FANCI: variants seen among roughly 807,000 people sequenced by gnomAD.
FANCI encodes the protein FA complementation group I.
Under a neutral mutation model 176.1 loss-of-function variants are expected in FANCI, and 156 were observed. The ratio of observed to expected loss-of-function variants is 0.89; its 90% CI spans 0.78 to 1.01. The LOEUF (loss-of-function observed/expected upper bound fraction) is 1.01, where lower values mean the gene tolerates loss of function less well. Ranked by LOEUF, FANCI falls within the 50% of genes least tolerant of loss-of-function variation. FANCI has a pLI of 0.00. For synonymous variants in FANCI, 613 were observed against 541.7 expected (o/e 1.13, Z -1.83); for missense variants, 1,678 against 1,534.1 (o/e 1.09, Z -1.57).
intron 31 of FANCI, 62 bp downstream of exon 31, chr15:89,305,760 G>A: frequency 6.5e-7 from 1 of 1,532,874 alleles, no homozygotes; most frequent in South Asian, 1.1e-5. Context: ...TTCATATTGG[G>A]TCGGTGCATA....
intron 16 of FANCI, 163 bp downstream of exon 16, chr15:89,281,998 T>TG (rs2151561902): frequency 1.5e-6 from 1 of 660,556 alleles, no homozygotes; most frequent in African/African-American, 1.8e-5. Context: ...GTGCTTTATG[T>TG]GCTTTTTTCA....
intron 2 of FANCI, among the ~76,000 whole-genome samples, chr15:89,256,890 C>A (rs2052517637): frequency 6.6e-6 from 1 of 152,052 alleles, no homozygotes; most frequent in South Asian, 2.1e-4. Flanking sequence ...TTTAGGAATC[C>A]TCCTTGATTT....
At chr15:89,285,667 A>C (rs983173274) in intron 18 of FANCI, among the ~76,000 whole-genome samples, 1 of 152,224 alleles carries the variant, frequency 6.6e-6, no homozygotes, top group African/African-American at 2.4e-5. Context: ...GATAGACCTT[A>C]AATATTTTAT....
chr15:89,305,243 G>C lies in FANCI; in HGVS notation c.3186+1G>C. On this transcript the variant is annotated splice_donor_variant, in intron 29 of 37. Coordinates refer to ENST00000310775, the MANE Select transcript of FANCI (RefSeq NM_001113378.2). LOFTEE classifies it high-confidence loss of function. Reference sequence around the variant, plus strand: ...CGGGCATCTGGGAGATATAGACCAGGTACTATAATGAGCCTTCAGTACAAT... The same window carrying C: ...CGGGCATCTGGGAGATATAGACCAGCTACTATAATGAGCCTTCAGTACAAT... 6.2e-7 allele frequency: 1 copy of C among 1,614,188 alleles called. No homozygotes were observed. The highest frequency in any genetic ancestry group is 8.5e-7 in the Non-Finnish European group (1 of 1,180,030).
chr15:89,262,137 T>C (rs1246612134), intron 6 of FANCI, among the ~76,000 whole-genome samples: 1 of 152,246 alleles, frequency 6.6e-6, no homozygotes, highest in African/African-American at 2.4e-5. Flanking sequence ...AAGATACACA[T>C]AATTAAATGT....
chr15:89,258,895 T>C (rs2052606113), intron 3 of FANCI, 119 bp downstream of exon 3: 1 of 802,854 alleles, frequency 1.2e-6, no homozygotes, highest in Non-Finnish European at 2.1e-6. Flanking sequence ...TTTTGAGGAT[T>C]CTACAGAATC....
chr15:89,302,170 G>A lies in FANCI; in HGVS notation c.3006+728G>A, dbSNP rs142035740. 3.4e-3 allele frequency among the ~76,000 whole-genome samples: 516 copies of A among 152,238 alleles called. 1 individual carries two copies. The highest frequency in any genetic ancestry group is 5.3e-3 in the Non-Finnish European group (361 of 68,034). ...CTTGAGAAAGACAATGAAGCCCTGC[G>A]GTATACTCCTCTTTATGTGAGCCCT... On this transcript the variant is annotated intron_variant, in intron 27 of 37. Coordinates refer to ENST00000310775, the MANE Select transcript of FANCI (RefSeq NM_001113378.2).
At chr15:89,285,291 A>G in intron 18 of FANCI, 73 bp downstream of exon 18, 1 of 1,568,160 alleles carries the variant, frequency 6.4e-7, no homozygotes, top group Non-Finnish European at 8.7e-7. Context: ...TTTTTTCCTG[A>G]TTATAAAAGT....
At chr15:89,307,568 C>G (rs1209552942) in intron 33 of FANCI, 39 bp downstream of exon 33, 2 of 1,614,048 alleles carry the variant, frequency 1.2e-6, no homozygotes, top group African/African-American at 2.7e-5. Flanking sequence ...GGGGGAAGCA[C>G]TTTTACTGCT....
chr15:89,292,159 C>T (rs1274700623), intron 20 of FANCI, among the ~76,000 whole-genome samples: 1 of 152,110 alleles, frequency 6.6e-6, no homozygotes, highest in Non-Finnish European at 1.5e-5. Flanking sequence ...TATCTAGCCT[C>T]AGAAGGACAG....
intron 35 of FANCI, among the ~76,000 whole-genome samples, chr15:89,313,973 T>TAACACA (rs1555451178): frequency 1.0e-5 from 1 of 98,286 alleles, no homozygotes; most frequent in Non-Finnish European, 2.0e-5. Flanking sequence ...AGATATATAA[T>TAACACA]CACACACACA....
At chr15:89,305,924 G>T in intron 31 of FANCI, 83 bp from the exon 32 acceptor site, 2 of 1,399,528 alleles carry the variant, frequency 1.4e-6, no homozygotes, top group South Asian at 1.2e-5. Flanking sequence ...TTTCTAGTTA[G>T]TAGTAATCAA....
intron 2 of FANCI, among the ~76,000 whole-genome samples, chr15:89,255,404 G>GATGA (rs1227337127): frequency 1.3e-5 from 2 of 152,134 alleles, no homozygotes; most frequent in African/African-American, 4.8e-5. Flanking sequence ...AAGAAAATTA[G>GATGA]ATGAGGAGCA....
rs554513283 is a variant in FANCI at position 89,316,548 on chromosome 15, C to G, written c.*89C>G. Reference sequence around the variant, plus strand: ...ATGCCCCTTGTCCTGTAGTCCACACCGATGTTGGCATCTTGGTTCTGAACC... The same window carrying G: ...ATGCCCCTTGTCCTGTAGTCCACACGGATGTTGGCATCTTGGTTCTGAACC... On this transcript the variant is annotated 3_prime_UTR_variant, in exon 38 of 38. Coordinates refer to ENST00000310775, the MANE Select transcript of FANCI (RefSeq NM_001113378.2). The G allele has an allele frequency of 2.9e-6, 4 of 1,356,656 alleles. No individual in the cohort carries two copies. The South Asian group carries it at 4.9e-5, about 17-fold the overall frequency. 84.0% of individuals were successfully genotyped at this position (1,356,656 alleles called of 1,614,324 possible).
chr15:89,282,205 T>G (rs2053641713), intron 16 of FANCI: 2 of 288,540 alleles, frequency 6.9e-6, no homozygotes, highest in East Asian at 1.7e-4. Context: ...TAGAATAATC[T>G]TCAGGGTAAT....
At chr15:89,278,380 A>G (rs1331088021) in intron 13 of FANCI, among the ~76,000 whole-genome samples, 1 of 152,224 alleles carries the variant, frequency 6.6e-6, no homozygotes, top group East Asian at 1.9e-4. Flanking sequence ...GAATATGGAT[A>G]TTGTCAGGTA....
intron 3 of FANCI, 117 bp downstream of exon 3, chr15:89,258,893 A>T: frequency 1.2e-6 from 1 of 803,306 alleles, no homozygotes; most frequent in Middle Eastern, 2.3e-4. Context: ...TGTTTTGAGG[A>T]TTCTACAGAA....
intron 17 of FANCI, among the ~76,000 whole-genome samples, chr15:89,284,128 C>T (rs1393752933): frequency 6.6e-6 from 1 of 152,124 alleles, no homozygotes; most frequent in East Asian, 1.9e-4. Flanking sequence ...TTTATTATCT[C>T]ATTTAATCTT....
At chr15:89,262,081 A>C (rs28667701) in intron 6 of FANCI, among the ~76,000 whole-genome samples, 2 of 152,172 alleles carry the variant, frequency 1.3e-5, no homozygotes, top group African/African-American at 4.8e-5. Context: ...CTGTTCATAT[A>C]GTTTTATTTG....
Sources: gnomAD v4.1 joint callset for allele counts (sites outside exome capture counted in the v4.1 genomes callset) on GRCh38, gnomAD v4.1.1 for gene constraint, MANE v1.5 for transcripts, NCBI Gene and HGNC (gene_info 2026-07-23, HGNC 2026-07-21) for gene names.